The following PARN variants were observed in gnomAD, a reference collection of about 807,000 sequenced individuals.
The protein encoded by PARN is poly(A)-specific ribonuclease PARN.
A neutral mutation model predicts 102.8 loss-of-function variants in PARN; 71 were observed. The ratio of observed to expected loss-of-function variants is 0.69; its 90% confidence interval spans 0.57 to 0.84. PARN has a LOEUF of 0.84. Among genes scored for constraint, PARN ranks in the 40% least tolerant of loss-of-function variants. PARN has a pLI of 0.00. For synonymous variants in PARN, 261 were observed against 252.9 expected (o/e 1.03, Z -0.30); for missense variants, 782 against 760.9 (o/e 1.03, Z -0.33).
intron 22 of PARN, among the ~76,000 whole-genome samples, chr16:14,470,437 G>GATGATGATGATTATTATT (rs369121377): frequency 6.8e-6 from 1 of 147,152 alleles, no homozygotes; most frequent in Non-Finnish European, 1.5e-5. Context: ...GAGTTTGGAT[G>GATGATGATGATTATTATT]ATTATTATTA....
Position 14,447,022 on chromosome 16 carries a change from C to G in PARN, c.1730G>C (p.Gly577Ala). The change falls in exon 23 of 24, where the codon GGC becomes GCC. Residue 577 changes from glycine to alanine, a missense_variant. Transcript: ENST00000437198. The part of the protein sequence containing the change: ...RNLSPSQEEA[G>A]LEDGVSGEIS... ...CTCCCCTGACACTCCGTCCTCCAGG[C>G]CAGCTTCCTCTTGACTAGGACTCAA... The G allele has an allele frequency of 6.2e-7, 1 of 1,613,874 alleles. No homozygotes were observed. Among genetic ancestry groups the G allele is most frequent in the Non-Finnish European group, 8.5e-7 (1 of 1,179,794 alleles).
chr16:14,527,176 A>C (rs1966053481), intron 21 of PARN, among the ~76,000 whole-genome samples: 1 of 152,210 alleles, frequency 6.6e-6, no homozygotes, highest in African/African-American at 2.4e-5. Context: ...TCTCTATATG[A>C]CCTTGTGGGG....
intron 18 of PARN, among the ~76,000 whole-genome samples, chr16:14,568,509 G>A (rs1968575470): frequency 6.6e-6 from 1 of 151,910 alleles, no homozygotes; most frequent in African/African-American, 2.4e-5. Flanking sequence ...GGAGGGTGGA[G>A]CAGGAGGATC....
intron 22 of PARN, among the ~76,000 whole-genome samples, chr16:14,465,602 T>C (rs1011391878): frequency 6.6e-6 from 1 of 152,198 alleles, no homozygotes; most frequent in African/African-American, 2.4e-5. Flanking sequence ...ATATTATATA[T>C]CCTAATTCAA....
intron 5 of PARN, among the ~76,000 whole-genome samples, chr16:14,624,644 T>C (rs1455921202): frequency 6.6e-6 from 1 of 152,208 alleles, no homozygotes; most frequent in African/African-American, 2.4e-5. Context: ...ATCGGCCAGA[T>C]GTGGTGGCTT....
In PARN at chr16:14,531,576, T is replaced by C. The variant is rs540124360; in HGVS notation, c.1480+20445A>G. 1.8e-4 allele frequency among the ~76,000 whole-genome samples: 27 copies of C among 152,290 alleles called. No homozygotes were observed. The South Asian group carries it at 5.4e-3, about 30-fold the overall frequency. On this transcript the variant is annotated intron_variant, in intron 21 of 23. Coordinates refer to ENST00000437198, the MANE Select transcript of PARN (RefSeq NM_002582.4). ...GGCCTCAGCCTCTTAGAAAAGGCTG[T>C]GAACTAGAGTACATGCAAAGACTAA...
At chr16:14,592,441 A>G (rs554721230) in intron 13 of PARN, among the ~76,000 whole-genome samples, 17 of 152,134 alleles carry the variant, frequency 1.1e-4, no homozygotes, top group Non-Finnish European at 2.2e-4. Context: ...GAAATAAAAG[A>G]GTGGAGCGCA....
At chr16:14,444,931 G>A (rs1184943236) in intron 23 of PARN, among the ~76,000 whole-genome samples, 2 of 151,244 alleles carry the variant, frequency 1.3e-5, no homozygotes, top group Non-Finnish European at 2.9e-5. Flanking sequence ...CGATCCTCCC[G>A]ATTCAGCCTC....
intron 21 of PARN, among the ~76,000 whole-genome samples, chr16:14,484,801 A>C (rs1245565431): frequency 6.6e-6 from 1 of 152,230 alleles, no homozygotes; most frequent in Non-Finnish European, 1.5e-5. Flanking sequence ...TAGTCATCTA[A>C]AAAACAGAAC....
At chr16:14,557,557 C>CAAAAAA (rs751028710) in intron 18 of PARN, among the ~76,000 whole-genome samples, 4 of 36,500 alleles carry the variant, frequency 1.1e-4, no homozygotes, top group Admixed American at 2.6e-4. Context: ...AACTCTGCCT[C>CAAAAAA]AAAAAAAAAA....
chr16:14,583,747 C>T (rs968667099), intron 16 of PARN, among the ~76,000 whole-genome samples: 2 of 152,172 alleles, frequency 1.3e-5, no homozygotes, highest in Non-Finnish European at 2.9e-5. Context: ...ATCACCGTAT[C>T]AGCAGCACAA....
chr16:14,526,529 G>A (rs972468667), intron 21 of PARN, among the ~76,000 whole-genome samples: 3 of 152,088 alleles, frequency 2.0e-5, no homozygotes, highest in African/African-American at 7.2e-5. Flanking sequence ...TTCTAAAGGG[G>A]CCAAGATGCA....
intron 21 of PARN, among the ~76,000 whole-genome samples, chr16:14,550,851 T>A (rs1327658085): frequency 6.6e-6 from 1 of 152,208 alleles, no homozygotes; most frequent in Non-Finnish European, 1.5e-5. Context: ...CAATATTTTA[T>A]TCAAAAACTT....
rs973934298 is a variant in PARN at position 14,436,578 on chromosome 16, TC to T, written c.*138del. 36 of 634,352 alleles carry T rather than the reference TC, an allele frequency of 5.7e-5. No individual in the cohort carries two copies. Among genetic ancestry groups the T allele is most frequent in the South Asian group, 1.9e-4 (10 of 51,558 alleles). The allele number at this position is 634,352 out of a possible 1,614,324, so 39.3% of individuals were successfully genotyped here. A position where few individuals can be genotyped will look rare whatever the true frequency, so the allele number is the denominator to read the frequency against. On this transcript the variant is annotated 3_prime_UTR_variant, in exon 24 of 24. Transcript: ENST00000437198. ...AGCCACAAAAATAAAACCTGTTTTC[TC>T]CCCCCCAGGAGACAACTTGGTTTCC... is the stretch of plus-strand genomic sequence containing the variant.
intron 17 of PARN, among the ~76,000 whole-genome samples, chr16:14,581,603 C>T (rs1008643168): frequency 6.6e-6 from 1 of 152,024 alleles, no homozygotes; most frequent in Non-Finnish European, 1.5e-5. Context: ...AATTAAGTCA[C>T]GAGGGAATTA....
intron 18 of PARN, among the ~76,000 whole-genome samples, chr16:14,576,781 A>G (rs1290682759): frequency 6.6e-6 from 1 of 152,210 alleles, no homozygotes; most frequent in Non-Finnish European, 1.5e-5. Flanking sequence ...CCTGATTCCA[A>G]AAAAGCAAGG....
intron 13 of PARN, among the ~76,000 whole-genome samples, chr16:14,590,634 C>CAAAAAA (rs966183881): frequency 3.1e-5 from 2 of 63,550 alleles, no homozygotes; most frequent in Non-Finnish European, 6.4e-5. Flanking sequence ...GATTCAGTCT[C>CAAAAAA]AAAAAAAAAA....
In PARN at chr16:14,446,991, G is replaced by A. The variant is rs148052946; in HGVS notation, c.1761C>T (p.Ser587=). ...AATCGGTCTGCTCAAGCTCAGTGTC[G>A]GAAATCTCCCCTGACACTCCGTCCT... ...GLEDGVSGEI[S]DTELEQTDSC... The change falls in exon 23 of 24, where the codon TCC becomes TCT. Residue 587 remains serine, a synonymous_variant. Coordinates refer to ENST00000437198, the MANE Select transcript of PARN (RefSeq NM_002582.4). The A allele has an allele frequency of 1.8e-4, 292 of 1,613,264 alleles. 2 individuals carry two copies. The African/African-American group carries it at 3.3e-3, about 18-fold the overall frequency.
At chr16:14,534,484 T>G (rs1370418482) in intron 21 of PARN, among the ~76,000 whole-genome samples, 1 of 152,190 alleles carries the variant, frequency 6.6e-6, no homozygotes, top group East Asian at 1.9e-4. Context: ...CGATTCAAAC[T>G]TATTTGGGGC....
Sources: allele counts gnomAD v4.1 joint callset (sites outside exome capture counted in the v4.1 genomes callset), GRCh38; gene constraint gnomAD v4.1.1; transcripts MANE v1.5; gene names NCBI Gene and HGNC (gene_info 2026-07-23, HGNC 2026-07-21).